The following DNAH9 variants were observed in gnomAD, a reference collection of about 807,000 sequenced individuals.
DNAH9 encodes the protein dynein axonemal heavy chain 9.
A neutral mutation model predicts 471.6 loss-of-function variants in DNAH9; 345 were observed. The ratio of observed to expected loss-of-function variants is 0.73; its 90% CI spans 0.67 to 0.80. The LOEUF (loss-of-function observed/expected upper bound fraction) is 0.80. Ranked by LOEUF, DNAH9 falls within the 30% of genes least tolerant of loss-of-function variation. The pLI is 0.00. For missense variants in DNAH9, 5,407 were observed against 5,609.2 expected, an observed-to-expected ratio of 0.96 and a Z score of 1.15; for synonymous variants, 2,093 against 2,123.6, an observed-to-expected ratio of 0.99 and a Z score of 0.40.
chr17:11,646,576 G>A (rs1028768933), intron 11 of DNAH9, among the ~76,000 whole-genome samples: 1 of 152,062 alleles, frequency 6.6e-6, no homozygotes, highest in African/African-American at 2.4e-5. Context: ...GATCTCATGG[G>A]GTCTTTCTCC....
intron 15 of DNAH9, among the ~76,000 whole-genome samples, chr17:11,666,628 G>A (rs142224247): frequency 4.6e-5 from 7 of 152,304 alleles, no homozygotes; most frequent in South Asian, 4.1e-4. Flanking sequence ...GGGAAGTAAA[G>A]GAGCCTAAAG....
At chr17:11,823,494 G>C (rs1970386439) in intron 48 of DNAH9, among the ~76,000 whole-genome samples, 1 of 152,200 alleles carries the variant, frequency 6.6e-6, no homozygotes, top group South Asian at 2.1e-4. Flanking sequence ...AATGGCTGCA[G>C]GGTTATACTA....
At chr17:11,850,955 G>A (rs1971400054) in intron 49 of DNAH9, among the ~76,000 whole-genome samples, 1 of 152,170 alleles carries the variant, frequency 6.6e-6, no homozygotes, top group Non-Finnish European at 1.5e-5. Context: ...GAGGGATACA[G>A]TAAGTCAACA....
Position 11,922,230 on chromosome 17 carries a change from T to C in DNAH9, c.11750-1584T>C, listed in dbSNP as rs139640079. Among the ~76,000 whole-genome samples the C allele has an allele frequency of 7.4e-3, 1,122 of 152,318 alleles. 8 individuals are homozygous for C. Among genetic ancestry groups the C allele is most frequent in the Non-Finnish European group, 0.01 (683 of 68,022 alleles). On this transcript the variant is annotated intron_variant, in intron 61 of 68. Transcript: ENST00000262442. ...TAAAAGAAATATTCAATATGAACAC[T>C]TGTTTCCAAAAATTTTCTTGCAGAA...
rs538780994 is a variant in DNAH9 at position 11,960,771 on chromosome 17, G to A, written c.12844-1096G>A. Among the ~76,000 whole-genome samples the A allele has an allele frequency of 5.0e-4, 76 of 151,928 alleles. 1 individual carries two copies. The highest frequency in any genetic ancestry group is 3.5e-3 in the Admixed American group (53 of 15,242). On this transcript the variant is annotated intron_variant, in intron 67 of 68. Coordinates refer to ENST00000262442, the MANE Select transcript of DNAH9 (RefSeq NM_001372.4). ...AAGACACCGTCTCCAGAAAAAAAAA[G>A]AATTCCAAAAGTTAAGAGAAAAAGT...
chr17:11,666,970 C>A (rs963368673), intron 15 of DNAH9, among the ~76,000 whole-genome samples: 1 of 152,144 alleles, frequency 6.6e-6, no homozygotes, highest in Non-Finnish European at 1.5e-5. Flanking sequence ...TTATATGCTT[C>A]CCACTCCATA....
intron 6 of DNAH9, among the ~76,000 whole-genome samples, chr17:11,628,851 T>C (rs1294385638): frequency 6.6e-6 from 1 of 152,248 alleles, no homozygotes; most frequent in Non-Finnish European, 1.5e-5. Flanking sequence ...GGTGGAAGCA[T>C]ACATTTCACT....
chr17:11,951,634 T>G (rs1413173093), intron 67 of DNAH9, among the ~76,000 whole-genome samples: 1 of 152,000 alleles, frequency 6.6e-6, no homozygotes, highest in East Asian at 1.9e-4. Flanking sequence ...GAAAAAAAAT[T>G]AAAAATTCGG....
At chr17:11,686,898 TTAA>T (rs2074251411) in intron 19 of DNAH9, among the ~76,000 whole-genome samples, 1 of 152,250 alleles carries the variant, frequency 6.6e-6, no homozygotes, top group Non-Finnish European at 1.5e-5. Flanking sequence ...TGCTTGAATT[TTAA>T]CTAACATCAA....
In DNAH9 at chr17:11,701,172, G is replaced by T; in HGVS notation, c.5076G>T (p.Arg1692Ser). The change falls in exon 24 of 69, where the codon AGG becomes AGT. Residue 1692 changes from arginine to serine, a missense_variant. Coordinates refer to ENST00000262442, the MANE Select transcript of DNAH9 (RefSeq NM_001372.4). ...TTGGTCACATGAAGGCCACTGTGAG[G>T]CATGAGATGACAGAAGGTGTAACTG... ...HVLGHMKATV[R>S]HEMTEGVTAY... 1.2e-6 allele frequency: 2 copies of T among 1,614,110 alleles called. No homozygotes were observed. The highest frequency in any genetic ancestry group is 1.7e-6 in the Non-Finnish European group (2 of 1,179,984).
At chr17:11,676,806 G>A (rs537347497) in intron 17 of DNAH9, among the ~76,000 whole-genome samples, 1 of 151,976 alleles carries the variant, frequency 6.6e-6, no homozygotes, top group South Asian at 2.1e-4. Flanking sequence ...AACATTGAAA[G>A]TTATAAATTC....
chr17:11,852,696 G>A (rs768550607), intron 49 of DNAH9, among the ~76,000 whole-genome samples: 75 of 151,592 alleles, frequency 4.9e-4, no homozygotes, highest in Non-Finnish European at 6.9e-4. Flanking sequence ...GTAGTGCTCT[G>A]TCCCTGGGTC....
rs1006216231 is a variant in DNAH9, at chr17:11,793,509, C to G, written c.8068C>G (p.Leu2690Val). Residue 2690 changes from leucine to valine, a missense_variant, in exon 42 of 69, where the codon CTC (leucine) becomes GTC (valine). Transcript: ENST00000262442. The part of the protein sequence containing the change: ...RDFANIFQGI[L>V]FSSVECVKST... ...GTGTCTGTTCCCCTTGAAGGGCATT[C>G]TCTTCTCCTCAGTGGAATGTGTGAA... is the stretch of plus-strand genomic sequence containing the variant. 4 of 1,609,038 alleles carry G rather than the reference C, an allele frequency of 2.5e-6. No individual in the cohort carries two copies. The highest frequency in any genetic ancestry group is 3.4e-6 in the Non-Finnish European group (4 of 1,178,836).
intron 59 of DNAH9, 115 bp downstream of exon 59, chr17:11,894,611 T>C: frequency 7.2e-7 from 1 of 1,392,462 alleles, no homozygotes; most frequent in Non-Finnish European, 9.8e-7. Context: ...TGGAGCTGTG[T>C]TAAACATAGG....
At chr17:11,654,657 A>G (rs2073599565) in intron 14 of DNAH9, among the ~76,000 whole-genome samples, 1 of 152,080 alleles carries the variant, frequency 6.6e-6, no homozygotes. Flanking sequence ...CACTTTAATA[A>G]TAATTCTTAC....
At chr17:11,778,866 T>C (rs1968564059) in intron 38 of DNAH9, among the ~76,000 whole-genome samples, 1 of 151,520 alleles carries the variant, frequency 6.6e-6, no homozygotes, top group Non-Finnish European at 1.5e-5. Context: ...ATTAGCCAGG[T>C]GTGGTGGTGT....
chr17:11,831,582 A>C (rs2150950748), intron 48 of DNAH9, among the ~76,000 whole-genome samples: 1 of 152,208 alleles, frequency 6.6e-6, no homozygotes, highest in Non-Finnish European at 1.5e-5. Context: ...TCAGTGTAGT[A>C]TTTATTGCTG....
intron 49 of DNAH9, among the ~76,000 whole-genome samples, chr17:11,846,042 A>G (rs1298368398): frequency 6.6e-6 from 1 of 151,812 alleles, no homozygotes; most frequent in Non-Finnish European, 1.5e-5. Flanking sequence ...TTTTGTTGCC[A>G]TTGCTTTTGG....
chr17:11,889,489 C>CT (rs1466806147), intron 57 of DNAH9, among the ~76,000 whole-genome samples: 1 of 151,936 alleles, frequency 6.6e-6, no homozygotes, highest in African/African-American at 2.4e-5. Context: ...GGGATGCTGC[C>CT]CCCCTAGATT....
Sources: gnomAD v4.1 joint callset for allele counts (sites outside exome capture counted in the v4.1 genomes callset) on GRCh38, gnomAD v4.1.1 for gene constraint, MANE v1.5 for transcripts, NCBI Gene and HGNC (gene_info 2026-07-23, HGNC 2026-07-21) for gene names.